EFCAB5: variants seen among roughly 807,000 people sequenced by gnomAD.
EFCAB5 encodes EF-hand calcium binding domain 5, also known as EF-hand calcium-binding domain-containing protein 5.
A neutral mutation model predicts 167.9 loss-of-function variants in EFCAB5; 131 were observed. The ratio of observed to expected loss-of-function variants is 0.78; its 90% confidence interval spans 0.68 to 0.90. EFCAB5 has a LOEUF of 0.90. Ranked by LOEUF, EFCAB5 falls within the 40% of genes least tolerant of loss-of-function variation. The probability of loss-of-function intolerance (pLI) is 0.00; values close to 1 mark genes in which losing one functional copy is unlikely to be tolerated. For missense variants in EFCAB5, 1,663 were observed against 1,745.2 expected (o/e 0.95, Z 0.84); for synonymous variants, 574 against 602.8 (o/e 0.95, Z 0.70).
intron 22 of EFCAB5, among the ~76,000 whole-genome samples, chr17:30,104,031 T>C (rs1430975282): frequency 6.6e-6 from 1 of 152,066 alleles, no homozygotes; most frequent in African/African-American, 2.4e-5. Flanking sequence ...AGAAAAGAAA[T>C]TTGCATACAC....
intron 4 of EFCAB5, chr17:29,972,635 G>T: frequency 6.4e-6 from 1 of 156,908 alleles, no homozygotes; most frequent in South Asian, 1.8e-4. Context: ...GGTCTCATTG[G>T]AGCCAGTTGG....
intron 21 of EFCAB5, among the ~76,000 whole-genome samples, chr17:30,092,440 T>C (rs1167839860): frequency 1.3e-5 from 2 of 152,064 alleles, no homozygotes; most frequent in Non-Finnish European, 2.9e-5. Flanking sequence ...CAGGCTGGAG[T>C]GCGATGGCGC....
intron 19 of EFCAB5, among the ~76,000 whole-genome samples, chr17:30,088,312 G>T (rs934992571): frequency 9.2e-5 from 14 of 151,776 alleles, no homozygotes; most frequent in Non-Finnish European, 8.8e-5. Flanking sequence ...TAAGAGACAG[G>T]GTCTCTTTAT....
intron 22 of EFCAB5, among the ~76,000 whole-genome samples, chr17:30,105,838 A>G (rs1262610696): frequency 1.3e-5 from 2 of 152,164 alleles, no homozygotes; most frequent in African/African-American, 4.8e-5. Context: ...GTTAAAACAG[A>G]GAATTTTAGA....
At chr17:30,082,034 A>G (rs1261544276) in intron 17 of EFCAB5, among the ~76,000 whole-genome samples, 3 of 152,200 alleles carry the variant, frequency 2.0e-5, no homozygotes, top group African/African-American at 4.8e-5. Context: ...ACAGGCCCAC[A>G]TATGGGTTCT....
chr17:30,045,477 A>AG, intron 8 of EFCAB5, among the ~76,000 whole-genome samples: 1 of 145,772 alleles, frequency 6.9e-6, no homozygotes, highest in South Asian at 2.2e-4. Flanking sequence ...AAAAAAAAAA[A>AG]GAGACATAAG....
At chr17:30,025,206 G>C (rs2069284545) in intron 7 of EFCAB5, among the ~76,000 whole-genome samples, 5 of 150,576 alleles carry the variant, frequency 3.3e-5, no homozygotes, top group Admixed American at 3.3e-4. Context: ...CACAGCAAAA[G>C]AAACTACCAT....
intron 8 of EFCAB5, among the ~76,000 whole-genome samples, chr17:30,045,940 G>C (rs1409025938): frequency 6.6e-6 from 1 of 152,132 alleles, no homozygotes; most frequent in African/African-American, 2.4e-5. Context: ...TATTCAGGAG[G>C]CTGAGGCAGG....
In EFCAB5 at chr17:30,037,873, G is replaced by A. The variant is rs1033102359; in HGVS notation, c.1200+3488G>A. Among the ~76,000 whole-genome samples the A allele has an allele frequency of 2.0e-5, 3 of 152,212 alleles. No individual in the cohort carries two copies. The South Asian group carries it at 6.2e-4, about 32-fold the overall frequency. ...TTTACTATATAGGGGAATGCTTTAA[G>A]CATCCCTATTTCCTGAGATACAACA... On this transcript the variant is annotated intron_variant, in intron 8 of 22. Transcript: ENST00000394835.
chr17:30,063,753 C>A (rs934918915), intron 14 of EFCAB5, among the ~76,000 whole-genome samples: 1 of 152,162 alleles, frequency 6.6e-6, no homozygotes, highest in African/African-American at 2.4e-5. Context: ...CAAGAGGGAT[C>A]CCCCTCAGCT....
At chr17:30,097,700 A>T (rs537620853) in intron 22 of EFCAB5, among the ~76,000 whole-genome samples, 1 of 152,356 alleles carries the variant, frequency 6.6e-6, no homozygotes, top group East Asian at 1.9e-4. Context: ...CTATGCAAAT[A>T]TTATACACAG....
chr17:30,015,293 G>A (rs957926922), intron 7 of EFCAB5, among the ~76,000 whole-genome samples: 4 of 152,002 alleles, frequency 2.6e-5, no homozygotes, highest in Non-Finnish European at 5.9e-5. Flanking sequence ...TGCTCTTCTC[G>A]AGGAGTATCT....
At chr17:30,028,331 A>G (rs530908374) in intron 7 of EFCAB5, among the ~76,000 whole-genome samples, 28 of 152,286 alleles carry the variant, frequency 1.8e-4, no homozygotes, top group Middle Eastern at 6.8e-3. Flanking sequence ...TTTTTCTTAC[A>G]ATGATATTTA....
At chr17:29,974,616 A>G (rs1437833235) in intron 4 of EFCAB5, among the ~76,000 whole-genome samples, 2 of 152,192 alleles carry the variant, frequency 1.3e-5, no homozygotes, top group Non-Finnish European at 2.9e-5. Flanking sequence ...CTAGAAAAAA[A>G]CAGGGATTAA....
At chr17:30,097,500 T>G (rs1156553070) in intron 22 of EFCAB5, among the ~76,000 whole-genome samples, 1 of 152,252 alleles carries the variant, frequency 6.6e-6, no homozygotes, top group Admixed American at 6.5e-5. Flanking sequence ...CTTCTTGGCA[T>G]TTGCACATCT....
At chr17:30,019,880 C>T (rs183368373) in intron 7 of EFCAB5, among the ~76,000 whole-genome samples, 63 of 152,224 alleles carry the variant, frequency 4.1e-4, no homozygotes, top group South Asian at 6.2e-4. Flanking sequence ...TTTTTATCAA[C>T]ATTTTTAATT....
intron 8 of EFCAB5, among the ~76,000 whole-genome samples, chr17:30,047,706 T>G (rs111440007): frequency 4.6e-5 from 7 of 152,308 alleles, no homozygotes; most frequent in South Asian, 2.1e-4. Flanking sequence ...GATTACAGTT[T>G]CCTTAGGAAT....
chr17:30,056,156 G>T lies in EFCAB5; in HGVS notation c.2365G>T (p.Asp789Tyr). The T allele has an allele frequency of 1.2e-6, 2 of 1,605,318 alleles. No homozygotes were observed. Among genetic ancestry groups the T allele is most frequent in the Non-Finnish European group, 1.7e-6 (2 of 1,175,272 alleles). ...AATCTATGGTAACTCCAGGTTCACA[G>T]GTACATGTTAACAATGAAAGTAGGA... The part of the protein sequence containing the change: ...NLIYGNSRFT[D>Y]LHSIIRNIQS... The change falls in exon 12 of 23, where the codon GAT (aspartate) becomes TAT (tyrosine). Residue 789 changes from aspartate to tyrosine, a missense_variant and splice_region_variant. By Grantham distance (160) the Asp-to-Tyr change is radical. Coordinates refer to ENST00000394835, the MANE Select transcript of EFCAB5 (RefSeq NM_198529.4).
chr17:29,990,065 C>A (rs1025236341), intron 4 of EFCAB5, among the ~76,000 whole-genome samples: 1 of 152,104 alleles, frequency 6.6e-6, no homozygotes, highest in African/African-American at 2.4e-5. Flanking sequence ...TCTCTCCCCC[C>A]ACAATTTATA....
Sources: gnomAD v4.1 joint callset for allele counts (sites outside exome capture counted in the v4.1 genomes callset) on GRCh38, gnomAD v4.1.1 for gene constraint, MANE v1.5 for transcripts, NCBI Gene and HGNC (gene_info 2026-07-23, HGNC 2026-07-21) for gene names.